Variants in ZNF91 observed in about 807,000 individuals in gnomAD.
The protein encoded by ZNF91 is zinc finger protein 91 (HPF7, HTF10).
A neutral mutation model predicts 12.6 loss-of-function variants in ZNF91; 7 were observed. The ratio of observed to expected loss-of-function variants is 0.55; its 90% CI spans 0.31 to 1.04. The LOEUF (loss-of-function observed/expected upper bound fraction) is 1.04, where lower values mean the gene tolerates loss of function less well. ZNF91 is among the 50% of genes least tolerant of loss of function. ZNF91 has a pLI of 0.05. For missense variants in ZNF91, 1,217 were observed against 1,385.4 expected (o/e 0.88, Z 1.93); for synonymous variants, 453 against 462.6 (o/e 0.98, Z 0.27).
At chr19:23,322,645 TCTC>T (rs751258973) in intron 1 of ZNF91, among the ~76,000 whole-genome samples, 42 of 148,368 alleles carry the variant, frequency 2.8e-4, no homozygotes, top group South Asian at 6.5e-4. Context: ...ATAACTTTTT[TCTC>T]CTCCTCCTCC....
At position 23,372,129 on chromosome 19, in the gene ZNF91, G is replaced by A. The variant is rs139592779; in HGVS notation, c.253+1613C>T. On this transcript the variant is annotated intron_variant, in intron 3 of 3. Transcript: ENST00000300619. ...ACTCACACACAACATGTACATTCTA[G>A]TATATTGTCCTAAATGTCTGAATCC... is the stretch of plus-strand genomic sequence containing the variant. Among the ~76,000 whole-genome samples the A allele has an allele frequency of 4.0e-3, 615 of 151,932 alleles. 8 individuals are homozygous for A. The highest frequency in any genetic ancestry group is 0.014 in the African/African-American group (591 of 41,422).
chr19:23,309,310 ACT>A (rs1285956160), intron 1 of ZNF91, among the ~76,000 whole-genome samples: 1 of 151,920 alleles, frequency 6.6e-6, no homozygotes, highest in Non-Finnish European at 1.5e-5. Context: ...AATAGATGTG[ACT>A]CTCTTCCTCT....
intron 2 of ZNF91, among the ~76,000 whole-genome samples, chr19:23,374,388 CAAAAAAA>C (rs34706703): frequency 3.4e-5 from 3 of 88,252 alleles, no homozygotes; most frequent in African/African-American, 8.3e-5. Flanking sequence ...CTAAAAATAC[CAAAAAAA>C]AAAAAAAAAA....
At position 23,360,311 on chromosome 19, in the gene ZNF91, C is replaced by T. The variant is rs774009331; in HGVS notation, c.2668G>A (p.Ala890Thr). ...GTAAGGGTTGAGGACCAGATAAATG[C>T]TTTGTCACATTCTTCACTCTTGGAA... ...KPSKSEECDK[A>T]FIWSSTLTEH... is the part of the protein sequence containing the mutation. The change falls in exon 4 of 4, where the codon GCA (alanine) becomes ACA (threonine). Residue 890 changes from alanine to threonine, a missense_variant. By Grantham distance (58) the Ala-to-Thr change is moderately conservative. Transcript: ENST00000300619. 5.0e-6 allele frequency: 8 copies of T among 1,613,608 alleles called. No individual in the cohort carries two copies. In the East Asian group the frequency reaches 1.8e-4, roughly 36 times the overall value.
chr19:23,332,089 T>C (rs1967936486), intron 1 of ZNF91, among the ~76,000 whole-genome samples: 1 of 152,248 alleles, frequency 6.6e-6, no homozygotes, highest in South Asian at 2.1e-4. Flanking sequence ...AAACCATTTC[T>C]TAGCCAGGTT....
intron 1 of ZNF91, among the ~76,000 whole-genome samples, chr19:23,323,688 C>G (rs1170943985): frequency 8.9e-6 from 1 of 112,530 alleles, no homozygotes; most frequent in East Asian, 3.0e-4. Context: ...TCCTCTACTT[C>G]TCCTTCTTTA....
chr19:23,373,366 AT>A lies in ZNF91; in HGVS notation c.253+375del, dbSNP rs1568395153. ...TAATCTTATATATATATATATATAT[AT>A]ATATATATATATATATATAAATAAA... On this transcript the variant is annotated intron_variant, in intron 3 of 3. Coordinates refer to ENST00000300619, the MANE Select transcript of ZNF91 (RefSeq NM_003430.4). 9.0e-4 allele frequency among the ~76,000 whole-genome samples: 117 copies of A among 129,872 alleles called. 1 individual carries two copies. The highest frequency in any genetic ancestry group is 1.4e-3 in the African/African-American group (54 of 37,700). 85.2% of individuals were successfully genotyped at this position (129,872 alleles called of 152,430 possible). A position where few individuals can be genotyped will look rare whatever the true frequency, so the allele number is the denominator to read the frequency against.
rs1344908597 is a variant in ZNF91 at position 23,323,677 on chromosome 19, CTCCTCT to C, written n.117-14586_117-14581del. Reference sequence around the variant, plus strand: ...CCTCCTCCTTTCCTCTTCTCTCCTCCTCCTCTACTTCTCCTTCTTTATCCTCTCCTC... The same window carrying C: ...CCTCCTCCTTTCCTCTTCTCTCCTCCACTTCTCCTTCTTTATCCTCTCCTC... On this transcript the variant is annotated intron_variant and non_coding_transcript_variant, in intron 1 of 1. Transcript: ENST00000596528. Among the ~76,000 whole-genome samples the C allele has an allele frequency of 3.8e-3, 489 of 128,258 alleles. 1 individual carries two copies. Among genetic ancestry groups the C allele is most frequent in the African/African-American group, 0.015 (468 of 31,770 alleles). 84.1% of individuals were successfully genotyped at this position (128,258 alleles called of 152,430 possible).
chr19:23,320,037 G>GGAAA (rs1159151265), intron 1 of ZNF91, among the ~76,000 whole-genome samples: 1 of 152,154 alleles, frequency 6.6e-6, no homozygotes, highest in African/African-American at 2.4e-5. Context: ...AAGAAATACT[G>GGAAA]TATTTCTGGT....
intron 1 of ZNF91, among the ~76,000 whole-genome samples, chr19:23,380,143 C>T (rs943822396): frequency 4.6e-5 from 7 of 151,358 alleles, no homozygotes; most frequent in Non-Finnish European, 1.0e-4. Context: ...ACCTGTAATC[C>T]AAGCACTCAG....
In ZNF91 at chr19:23,361,157, C is replaced by T; in HGVS notation, c.1822G>A (p.Gly608Ser). The T allele has an allele frequency of 6.2e-7, 1 of 1,613,582 alleles. No individual in the cohort carries two copies. The highest frequency in any genetic ancestry group is 8.5e-7 in the Non-Finnish European group (1 of 1,179,832). Reference protein sequence around the residue: ...GEKSYKCEECGKAFLWSSTLR... With the variant: ...GEKSYKCEECSKAFLWSSTLR... ...GTTGAGGACCATAGAAATGCTTTGCCACATTCTTCACACTTGTAAGACTTC... is the reference window on the plus strand; with the variant it reads ...GTTGAGGACCATAGAAATGCTTTGCTACATTCTTCACACTTGTAAGACTTC... Residue 608 changes from glycine (G) to serine (S), a missense_variant, in exon 4 of 4, where the codon GGC becomes AGC. Physicochemically the swap from Gly to Ser is moderately conservative, Grantham distance 56. Coordinates refer to ENST00000300619, the MANE Select transcript of ZNF91 (RefSeq NM_003430.4).
chr19:23,362,871 T>C, intron 3 of ZNF91, 146 bp from the exon 4 acceptor site: 1 of 1,206,640 alleles, frequency 8.3e-7, no homozygotes, highest in Non-Finnish European at 1.0e-6. Flanking sequence ...TCTATTTTTG[T>C]TTTTTTGTTT....
chr19:23,327,544 A>G (rs1473005833), intron 1 of ZNF91: 5 of 152,202 alleles, frequency 3.3e-5, no homozygotes, highest in Non-Finnish European at 7.4e-5. Flanking sequence ...TTGATTAAAG[A>G]TACGTTACTA....
At chr19:23,332,846 G>A (rs1470430820) in intron 1 of ZNF91, among the ~76,000 whole-genome samples, 1 of 152,142 alleles carries the variant, frequency 6.6e-6, no homozygotes, top group Non-Finnish European at 1.5e-5. Flanking sequence ...CCTTAAAGAG[G>A]GGAGGTTCAA....
intron 3 of ZNF91, among the ~76,000 whole-genome samples, chr19:23,368,554 C>G (rs373240799): frequency 4.9e-5 from 5 of 101,410 alleles, no homozygotes; most frequent in Admixed American, 2.9e-4. Context: ...CTCTCTCTCT[C>G]TCTCTCTCTA....
downstream of ZNF91, among the ~76,000 whole-genome samples, chr19:23,353,383 T>C (rs1420362695): frequency 1.3e-5 from 2 of 152,032 alleles, no homozygotes; most frequent in African/African-American, 2.4e-5. Context: ...AAAATCAATA[T>C]AGAAATAAAA....
intron 1 of ZNF91, among the ~76,000 whole-genome samples, chr19:23,387,654 G>C (rs1969916157): frequency 6.6e-6 from 1 of 152,142 alleles, no homozygotes. Context: ...CAAGAGTATT[G>C]CTTGGCCCAC....
intron 3 of ZNF91, among the ~76,000 whole-genome samples, chr19:23,366,459 A>T (rs1416355521): frequency 6.6e-6 from 1 of 152,240 alleles, no homozygotes. Flanking sequence ...AAACCTAGAC[A>T]ACATTATACA....
intron 3 of ZNF91, among the ~76,000 whole-genome samples, chr19:23,368,079 T>C (rs1402101299): frequency 6.6e-6 from 1 of 152,006 alleles, no homozygotes; most frequent in Non-Finnish European, 1.5e-5. Context: ...CTGGCTAATT[T>C]ATGTATTTTT....
Sources: allele counts gnomAD v4.1 joint callset (sites outside exome capture counted in the v4.1 genomes callset), GRCh38; gene constraint gnomAD v4.1.1; transcripts MANE v1.5; gene names NCBI Gene and HGNC (gene_info 2026-07-23, HGNC 2026-07-21).